Variants in RAB3C observed in about 807,000 individuals in gnomAD.
RAB3C encodes ras-related protein Rab-3C.
Under a neutral mutation model 26.4 loss-of-function variants are expected in RAB3C, and 17 were observed. The observed-to-expected ratio is 0.64, with a 90% confidence interval of 0.44 to 0.97. The LOEUF is 0.97. RAB3C is among the 50% of genes least tolerant of loss of function. The probability of loss-of-function intolerance (pLI) is 0.00; values close to 1 mark genes in which losing one functional copy is unlikely to be tolerated. For synonymous variants in RAB3C, 91 were observed against 95.9 expected, an observed-to-expected ratio of 0.95 and a Z score of 0.30; for missense variants, 242 against 281.9, an observed-to-expected ratio of 0.86 and a Z score of 1.01.
At chr5:58,685,817 G>C (rs550226393) in intron 2 of RAB3C, among the ~76,000 whole-genome samples, 17 of 152,078 alleles carry the variant, frequency 1.1e-4, no homozygotes, top group Non-Finnish European at 2.5e-4. Context: ...TAGATTCTAT[G>C]TATAAATAAA....
intron 3 of RAB3C, among the ~76,000 whole-genome samples, chr5:58,775,577 C>T (rs1267528381): frequency 1.3e-5 from 2 of 152,108 alleles, no homozygotes; most frequent in Admixed American, 1.3e-4. Context: ...CTCACTTACA[C>T]ATGATACGTA....
chr5:58,816,933 G>A (rs957131110), intron 3 of RAB3C: 1 of 152,168 alleles, frequency 6.6e-6, no homozygotes, highest in African/African-American at 2.4e-5. Flanking sequence ...AACTCAGCTG[G>A]GTTCCTTGGG....
chr5:58,648,039 A>G (rs1489053535), intron 2 of RAB3C, among the ~76,000 whole-genome samples: 2 of 152,210 alleles, frequency 1.3e-5, no homozygotes, highest in Non-Finnish European at 2.9e-5. Context: ...AAGTTTTGAA[A>G]TGAAATAATT....
chr5:58,718,208 T>A (rs1401610036), intron 2 of RAB3C, among the ~76,000 whole-genome samples: 1 of 152,072 alleles, frequency 6.6e-6, no homozygotes, highest in East Asian at 1.9e-4. Context: ...GCAAAAATGA[T>A]GTCTTCTCCT....
rs77481324 is a variant in RAB3C, at chr5:58,799,495, C to T, written c.372-25543C>T. On this transcript the variant is annotated intron_variant, in intron 3 of 4. Coordinates refer to ENST00000282878, the MANE Select transcript of RAB3C (RefSeq NM_138453.4). ...CCAGGTCTTTCTGACTCTACTAACC[C>T]CTTCAATACATTTTGGCCTTAGAAT... Among the ~76,000 whole-genome samples, 257 of 152,250 alleles carry T rather than the reference C, an allele frequency of 1.7e-3. 4 individuals carry two copies. The East Asian group carries it at 0.043, about 26-fold the overall frequency.
In RAB3C at chr5:58,693,336, G is replaced by GTATATATATATATATATA. The variant is rs61291213; in HGVS notation, c.253-32657_253-32640dup. Among the ~76,000 whole-genome samples the GTATATATATATATATATA allele has an allele frequency of 5.9e-4, 66 of 111,728 alleles. 1 individual carries two copies. Among genetic ancestry groups the GTATATATATATATATATA allele is most frequent in the African/African-American group, 2.4e-3 (64 of 26,806 alleles). 73.3% of individuals were successfully genotyped at this position (111,728 alleles called of 152,430 possible). A position where few individuals can be genotyped will look rare whatever the true frequency, so the allele number is the denominator to read the frequency against. On this transcript the variant is annotated intron_variant, in intron 2 of 4. Transcript: ENST00000282878. ...AAATTAAGAAATTATATATATATGT[G>GTATATATATATATATATA]TATATATATATATATATATATATAT...
In RAB3C at chr5:58,637,779, A is replaced by G. The variant is rs144124244; in HGVS notation, c.252+19909A>G. ...TAGAAAGAAAAAGACATCACTGGAA[A>G]TCTTACTACCCAAAGGTAACTATTT... On this transcript the variant is annotated intron_variant, in intron 2 of 4. Transcript: ENST00000282878. Among the ~76,000 whole-genome samples the G allele has an allele frequency of 5.6e-4, 86 of 152,268 alleles. 1 individual carries two copies. The East Asian group carries it at 0.012, about 22-fold the overall frequency.
At chr5:58,789,024 T>C (rs1405405293) in intron 3 of RAB3C, among the ~76,000 whole-genome samples, 1 of 152,010 alleles carries the variant, frequency 6.6e-6, no homozygotes, top group Non-Finnish European at 1.5e-5. Flanking sequence ...CACGTGAATC[T>C]GGGAATGGGG....
chr5:58,674,833 G>A (rs939394910), intron 2 of RAB3C, among the ~76,000 whole-genome samples: 6 of 151,788 alleles, frequency 4.0e-5, no homozygotes, highest in African/African-American at 1.5e-4. Context: ...TTCAAGCTAG[G>A]ACAAGTCTTG....
At chr5:58,819,987 A>G (rs563705171) in intron 3 of RAB3C, among the ~76,000 whole-genome samples, 1 of 152,338 alleles carries the variant, frequency 6.6e-6, no homozygotes, top group African/African-American at 2.4e-5. Context: ...ATAGCTGCTT[A>G]TATTGCCAAA....
intron 3 of RAB3C, among the ~76,000 whole-genome samples, chr5:58,793,104 G>GA (rs1742566566): frequency 6.6e-6 from 1 of 152,052 alleles, no homozygotes; most frequent in Admixed American, 6.6e-5. Flanking sequence ...AGCCCAAACA[G>GA]AAAAATATTT....
rs576345491 is a variant in RAB3C at position 58,819,785 on chromosome 5, G to A, written c.372-5253G>A. On this transcript the variant is annotated intron_variant, in intron 3 of 4. Transcript: ENST00000282878. ...TCCTACCTACTGGGGAGGCTGTGGC[G>A]TGAGAATTGCTTGAAACTGGAAGGC... is the stretch of plus-strand genomic sequence containing the variant. 1.0e-3 allele frequency among the ~76,000 whole-genome samples: 154 copies of A among 152,194 alleles called. 1 individual carries two copies. The highest frequency in any genetic ancestry group is 3.4e-3 in the African/African-American group (143 of 41,518).
chr5:58,614,480 C>CA (rs150581049), intron 1 of RAB3C, among the ~76,000 whole-genome samples: 21,245 of 150,440 alleles, frequency 0.14, 1,595 homozygotes, highest in Non-Finnish European at 0.16. Flanking sequence ...GGAAATAGTA[C>CA]AAAAAAAAAC....
intron 3 of RAB3C, among the ~76,000 whole-genome samples, chr5:58,824,682 G>C (rs1177755348): frequency 1.3e-5 from 2 of 152,166 alleles, no homozygotes; most frequent in Non-Finnish European, 2.9e-5. Flanking sequence ...GACTGTTACT[G>C]CTTAAACTGG....
At chr5:58,694,893 T>G (rs1748663180) in intron 2 of RAB3C, among the ~76,000 whole-genome samples, 2 of 152,232 alleles carry the variant, frequency 1.3e-5, no homozygotes, top group South Asian at 4.1e-4. Context: ...CTGTTCACTC[T>G]GATGGTAGTT....
chr5:58,709,150 A>T (rs115547455), intron 2 of RAB3C, among the ~76,000 whole-genome samples: 1,833 of 152,340 alleles, frequency 0.012, 36 homozygotes, highest in African/African-American at 0.04. Context: ...ATTAACCCCT[A>T]AAGAGAATTC....
chr5:58,696,860 T>C (rs1748711447), intron 2 of RAB3C, among the ~76,000 whole-genome samples: 1 of 152,218 alleles, frequency 6.6e-6, no homozygotes, highest in Non-Finnish European at 1.5e-5. Context: ...TGTTGATCTT[T>C]TCAAAAAACC....
chr5:58,731,003 C>T (rs1741006134), intron 3 of RAB3C, among the ~76,000 whole-genome samples: 4 of 152,040 alleles, frequency 2.6e-5, no homozygotes, highest in African/African-American at 7.2e-5. Context: ...CATCAGATCT[C>T]GTGAGACTTA....
At chr5:58,729,652 A>C (rs2111926434) in intron 3 of RAB3C, among the ~76,000 whole-genome samples, 1 of 148,684 alleles carries the variant, frequency 6.7e-6, no homozygotes, top group East Asian at 2.0e-4. Context: ...ACATATAATA[A>C]AATATACATA....
Sources: allele counts gnomAD v4.1 joint callset (sites outside exome capture counted in the v4.1 genomes callset), GRCh38; gene constraint gnomAD v4.1.1; transcripts MANE v1.5; gene names NCBI Gene and HGNC (gene_info 2026-07-23, HGNC 2026-07-21).